The following SCHIP1 variants were observed in gnomAD, a reference collection of about 807,000 sequenced individuals.
SCHIP1 encodes schwannomin interacting protein 1.
A neutral mutation model predicts 29.7 loss-of-function variants in SCHIP1; 8 were observed. The observed-to-expected ratio is 0.27, with a 90% CI of 0.16 to 0.49. SCHIP1 has a LOEUF of 0.49. Ranked by LOEUF, SCHIP1 falls within the 20% of genes least tolerant of loss-of-function variation. The pLI is 0.99. For synonymous variants in SCHIP1, 76 were observed against 94.9 expected (o/e 0.80, Z 1.16); for missense variants, 193 against 294.6 (o/e 0.66, Z 2.52).
intron 1 of SCHIP1, among the ~76,000 whole-genome samples, chr3:159,848,680 T>C (rs146512986): frequency 1.6e-3 from 248 of 152,206 alleles, no homozygotes; most frequent in African/African-American, 5.7e-3. Context: ...TTTTTTTTAA[T>C]GCAATTTCTG....
the SCHIP1 span, among the ~76,000 whole-genome samples, chr3:159,364,272 C>T: frequency 6.6e-6 from 1 of 152,084 alleles, no homozygotes; most frequent in African/African-American, 2.4e-5. Flanking sequence ...GAGAATGTTA[C>T]TTTTAGAAGT....
At chr3:159,467,517 AC>A in the SCHIP1 span, among the ~76,000 whole-genome samples, 1 of 152,024 alleles carries the variant, frequency 6.6e-6, no homozygotes, top group African/African-American at 2.4e-5. Flanking sequence ...AATAAAAAGA[AC>A]TGGCCAGTCT....
the SCHIP1 span, among the ~76,000 whole-genome samples, chr3:159,689,281 T>C: frequency 3.4e-3 from 520 of 152,332 alleles, 3 homozygotes; most frequent in African/African-American, 0.012. Context: ...CCTTGAACAG[T>C]GGTTTGTAGT....
At chr3:159,380,571 T>C in the SCHIP1 span, among the ~76,000 whole-genome samples, 1 of 152,196 alleles carries the variant, frequency 6.6e-6, no homozygotes, top group Non-Finnish European at 1.5e-5. Flanking sequence ...TATTAAAATA[T>C]AGCTTTATAC....
the SCHIP1 span, among the ~76,000 whole-genome samples, chr3:159,424,824 C>T: frequency 3.3e-5 from 5 of 152,204 alleles, no homozygotes; most frequent in Non-Finnish European, 7.3e-5. Flanking sequence ...GGAAGCCCAT[C>T]AGACTAACAG....
At chr3:159,310,115 G>A in the SCHIP1 span, among the ~76,000 whole-genome samples, 7 of 152,262 alleles carry the variant, frequency 4.6e-5, no homozygotes, top group Non-Finnish European at 5.9e-5. Flanking sequence ...AGAGGCATGC[G>A]TCCTCTTATT....
At chr3:159,715,767 A>G in the SCHIP1 span, among the ~76,000 whole-genome samples, 1 of 152,224 alleles carries the variant, frequency 6.6e-6, no homozygotes, top group Non-Finnish European at 1.5e-5. Flanking sequence ...GACCAAATCT[A>G]CATCTGATTG....
the SCHIP1 span, among the ~76,000 whole-genome samples, chr3:159,613,839 A>G: frequency 6.6e-6 from 1 of 152,250 alleles, no homozygotes; most frequent in Non-Finnish European, 1.5e-5. Context: ...TTGATTACAT[A>G]AAACAAAGCA....
the SCHIP1 span, among the ~76,000 whole-genome samples, chr3:159,457,707 ACTGAAGCTGT>A: frequency 6.6e-6 from 1 of 152,288 alleles, no homozygotes; most frequent in South Asian, 2.1e-4. Flanking sequence ...CCAGTGGCTG[ACTGAAGCTGT>A]GAATAGTACT....
At chr3:159,749,372 A>G in the SCHIP1 span, among the ~76,000 whole-genome samples, 1 of 152,094 alleles carries the variant, frequency 6.6e-6, no homozygotes, top group Admixed American at 6.6e-5. Flanking sequence ...AAAAAAAAAA[A>G]AAGAAGAAGC....
At chr3:159,751,167 CT>C in the SCHIP1 span, among the ~76,000 whole-genome samples, 1 of 152,158 alleles carries the variant, frequency 6.6e-6, no homozygotes, top group African/African-American at 2.4e-5. Flanking sequence ...TGCATTCATC[CT>C]TTAGTCCAGG....
At chr3:159,489,022 C>T in the SCHIP1 span, among the ~76,000 whole-genome samples, 19 of 152,190 alleles carry the variant, frequency 1.2e-4, no homozygotes, top group African/African-American at 3.6e-4. Context: ...GTTGAGCTAA[C>T]GTAATGTTTT....
chr3:159,487,339 TC>T, the SCHIP1 span, among the ~76,000 whole-genome samples: 28 of 152,128 alleles, frequency 1.8e-4, no homozygotes. Context: ...GCAAACACAC[TC>T]CTGTATCCCA....
the SCHIP1 span, among the ~76,000 whole-genome samples, chr3:159,292,109 A>G: frequency 6.6e-6 from 1 of 152,112 alleles, no homozygotes; most frequent in African/African-American, 2.4e-5. Context: ...CTTCCATGTT[A>G]TTTTAGAGAT....
chr3:159,822,081 T>C, the SCHIP1 span, among the ~76,000 whole-genome samples: 1 of 152,210 alleles, frequency 6.6e-6, no homozygotes, highest in African/African-American at 2.4e-5. Flanking sequence ...TTTAATGTTT[T>C]TGGAACTTTG....
the SCHIP1 span, among the ~76,000 whole-genome samples, chr3:159,443,438 G>A: frequency 2.6e-5 from 4 of 152,144 alleles, no homozygotes; most frequent in African/African-American, 9.7e-5. Flanking sequence ...GGAAACAGCA[G>A]TAATTTCAAG....
At chr3:159,434,043 A>T in the SCHIP1 span, among the ~76,000 whole-genome samples, 6 of 152,218 alleles carry the variant, frequency 3.9e-5, no homozygotes, top group Admixed American at 3.9e-4. Flanking sequence ...TTTTAAGGGT[A>T]GAGTGCATGT....
chr3:159,458,844 G>A, the SCHIP1 span, among the ~76,000 whole-genome samples: 3 of 152,048 alleles, frequency 2.0e-5, no homozygotes, highest in African/African-American at 7.2e-5. Context: ...GCTTTAAAGT[G>A]AAAAAACAAA....
At chr3:159,512,243 T>A in the SCHIP1 span, among the ~76,000 whole-genome samples, 2 of 152,206 alleles carry the variant, frequency 1.3e-5, no homozygotes, top group Non-Finnish European at 2.9e-5. Flanking sequence ...ATAAGCATTT[T>A]AAAATGCTAA....
Sources: allele counts gnomAD v4.1 joint callset (sites outside exome capture counted in the v4.1 genomes callset), GRCh38; gene constraint gnomAD v4.1.1; transcripts MANE v1.5; gene names NCBI Gene and HGNC (gene_info 2026-07-23, HGNC 2026-07-21).